The following PTCHD4 variants were observed in gnomAD, a reference collection of about 807,000 sequenced individuals.
PTCHD4 encodes patched domain containing 4, also known as patched domain-containing protein 4.
In PTCHD4, 33 loss-of-function variants were observed where a neutral mutation model predicts 58.1. The ratio of observed to expected loss-of-function variants is 0.57; its 90% CI spans 0.43 to 0.76. The LOEUF (loss-of-function observed/expected upper bound fraction) is 0.76, where lower values mean the gene tolerates loss of function less well. Among genes scored for constraint, PTCHD4 ranks in the 30% least tolerant of loss-of-function variants. The probability of loss-of-function intolerance (pLI) is 0.00; values close to 1 mark genes in which losing one functional copy is unlikely to be tolerated. For missense variants in PTCHD4, 1,058 were observed against 1,027.1 expected (o/e 1.03, Z -0.41); for synonymous variants, 478 against 409.6 (o/e 1.17, Z -2.02).
chr6:48,006,302 A>T (rs746255980), intron 4 of PTCHD4, among the ~76,000 whole-genome samples: 10 of 152,280 alleles, frequency 6.6e-5, no homozygotes, highest in Middle Eastern at 3.4e-3. Flanking sequence ...TTATTTGTTT[A>T]AAGAACGGAA....
chr6:47,869,433 G>T lies in PTCHD4; in HGVS notation c.*8870C>A, dbSNP rs898997955. Among the ~76,000 whole-genome samples the T allele has an allele frequency of 6.6e-6, 1 of 151,684 alleles. No homozygotes were observed. Among genetic ancestry groups the T allele is most frequent in the Non-Finnish European group, 1.5e-5 (1 of 67,782 alleles). ...TATTACTACAATAATGCAATGTAAT[G>T]CAGTGATAAATTTTAGGTAGAATTT... On this transcript the variant is annotated 3_prime_UTR_variant, in exon 5 of 5. Coordinates refer to ENST00000339488, the MANE Select transcript of PTCHD4 (RefSeq NM_001384253.1).
intron 4 of PTCHD4, among the ~76,000 whole-genome samples, chr6:47,913,258 T>C (rs566491447): frequency 1.6e-4 from 25 of 152,218 alleles, no homozygotes; most frequent in Middle Eastern, 3.4e-3. Flanking sequence ...ATTCTGTTTA[T>C]AATGACAGTG....
intron 4 of PTCHD4, among the ~76,000 whole-genome samples, chr6:47,924,054 A>T (rs538606189): frequency 6.6e-6 from 1 of 152,128 alleles, no homozygotes; most frequent in South Asian, 2.1e-4. Context: ...AAATATTTCT[A>T]CCTGTCTGGG....
chr6:48,024,934 G>C lies in PTCHD4; in HGVS notation c.418-15820C>G, dbSNP rs1032660214. ...ATACATAAAATGGTAGTATGCAAAA[G>C]CCAGATGACATGATTCTACATCACA... On this transcript the variant is annotated intron_variant, in intron 3 of 4. Coordinates refer to ENST00000339488, the MANE Select transcript of PTCHD4 (RefSeq NM_001384253.1). Among the ~76,000 whole-genome samples the C allele has an allele frequency of 2.6e-5, 4 of 152,100 alleles. 1 individual carries two copies. The South Asian group carries it at 6.2e-4, about 24-fold the overall frequency.
At chr6:48,084,351 T>C (rs755767258) in intron 1 of PTCHD4, among the ~76,000 whole-genome samples, 1 of 152,236 alleles carries the variant, frequency 6.6e-6, no homozygotes, top group Non-Finnish European at 1.5e-5. Flanking sequence ...AACTCCACAG[T>C]TGCAGTTAAA....
At chr6:48,076,260 C>T (rs13211319) in intron 1 of PTCHD4, among the ~76,000 whole-genome samples, 1 of 152,168 alleles carries the variant, frequency 6.6e-6, no homozygotes, top group Non-Finnish European at 1.5e-5. Context: ...AACTATTTTG[C>T]TATTTCTACC....
intron 3 of PTCHD4, among the ~76,000 whole-genome samples, chr6:48,052,125 G>A (rs979552514): frequency 6.6e-6 from 1 of 151,982 alleles, no homozygotes; most frequent in Non-Finnish European, 1.5e-5. Context: ...AATACAGGGA[G>A]GAGAAAGTTG....
At chr6:47,981,886 T>A (rs1261543640) in intron 4 of PTCHD4, among the ~76,000 whole-genome samples, 1 of 152,186 alleles carries the variant, frequency 6.6e-6, no homozygotes, top group Admixed American at 6.5e-5. Context: ...TCATCCAGGC[T>A]CATTTTTGTG....
chr6:48,026,410 G>C (rs1763248701), intron 3 of PTCHD4, among the ~76,000 whole-genome samples: 1 of 152,090 alleles, frequency 6.6e-6, no homozygotes, highest in South Asian at 2.1e-4. Flanking sequence ...CAGACAATTT[G>C]GAATTTCAGT....
At chr6:48,055,449 T>A (rs754076371) in intron 3 of PTCHD4, among the ~76,000 whole-genome samples, 16 of 152,092 alleles carry the variant, frequency 1.1e-4, no homozygotes, top group Non-Finnish European at 1.9e-4. Flanking sequence ...ATAATATCAG[T>A]TTATAAACCA....
intron 4 of PTCHD4, among the ~76,000 whole-genome samples, chr6:47,927,755 G>T (rs1458251135): frequency 2.6e-5 from 4 of 151,462 alleles, no homozygotes; most frequent in Non-Finnish European, 4.4e-5. Context: ...AAAGTCAATG[G>T]TTTTTTATTT....
At position 47,879,391 on chromosome 6, in the gene PTCHD4, T is replaced by G. The variant is rs1304686735; in HGVS notation, c.1444A>C (p.Ile482Leu). The change falls in exon 5 of 5, where the codon ATC becomes CTC. Residue 482 changes from isoleucine to leucine, a missense_variant. By Grantham distance (5) the Ile-to-Leu change is conservative. Coordinates refer to ENST00000339488, the MANE Select transcript of PTCHD4 (RefSeq NM_001384253.1). ...ASFSFMGCLQ[I>L]SDGANIINLL... ...TTGATGATGTTGGCTCCGTCACTGATCTGTAAGCACCCCATGAAGGAGAAG... is the reference window on the plus strand; with the variant it reads ...TTGATGATGTTGGCTCCGTCACTGAGCTGTAAGCACCCCATGAAGGAGAAG... The G allele has an allele frequency of 6.2e-7, 1 of 1,613,510 alleles. No individual in the cohort carries two copies. Among genetic ancestry groups the G allele is most frequent in the Non-Finnish European group, 8.5e-7 (1 of 1,179,768 alleles).
chr6:48,027,766 A>G (rs2114125181), intron 3 of PTCHD4, among the ~76,000 whole-genome samples: 1 of 152,278 alleles, frequency 6.6e-6, no homozygotes, highest in South Asian at 2.1e-4. Flanking sequence ...GCAATGTTAT[A>G]TTAATAACAT....
intron 3 of PTCHD4, among the ~76,000 whole-genome samples, chr6:48,038,533 G>A (rs182790364): frequency 1.5e-4 from 23 of 151,846 alleles, no homozygotes; most frequent in African/African-American, 5.3e-4. Context: ...CCAGCTACTC[G>A]GGAGGCTGAG....
intron 3 of PTCHD4, among the ~76,000 whole-genome samples, chr6:48,062,203 A>C (rs1249760202): frequency 6.6e-6 from 1 of 152,252 alleles, no homozygotes; most frequent in African/African-American, 2.4e-5. Flanking sequence ...GAAAAGATTA[A>C]GAAAATAAAA....
chr6:47,955,657 T>C (rs1766829357), intron 4 of PTCHD4, among the ~76,000 whole-genome samples: 1 of 152,176 alleles, frequency 6.6e-6, no homozygotes, highest in Admixed American at 6.5e-5. Flanking sequence ...CAGAATAGAA[T>C]ATTATAAACA....
At position 48,069,345 on chromosome 6, in the gene PTCHD4, G is replaced by T. The variant is rs1328735629; in HGVS notation, c.-388C>A. 6.6e-6 allele frequency among the ~76,000 whole-genome samples: 1 copy of T among 152,184 alleles called. No individual in the cohort carries two copies. The highest frequency in any genetic ancestry group is 2.4e-5 in the African/African-American group (1 of 41,452). The stretch of plus-strand genomic sequence containing the variant: ...GCCCATTGGAGCAAGGGCAATTAGA[G>T]CCCAAGGAGTGGGGCATGGAGGGAG... On this transcript the variant is annotated 5_prime_UTR_variant, in exon 2 of 5. Coordinates refer to ENST00000339488, the MANE Select transcript of PTCHD4 (RefSeq NM_001384253.1).
chr6:48,054,287 T>C (rs914885777), intron 3 of PTCHD4, among the ~76,000 whole-genome samples: 5 of 152,268 alleles, frequency 3.3e-5, no homozygotes, highest in Admixed American at 3.3e-4. Context: ...TTGGATATAG[T>C]CCTTAACAAA....
At chr6:47,909,866 C>T (rs1765015815) in intron 4 of PTCHD4, among the ~76,000 whole-genome samples, 1 of 152,050 alleles carries the variant, frequency 6.6e-6, no homozygotes, top group African/African-American at 2.4e-5. Flanking sequence ...TATTATACAT[C>T]ATAGCCCCAG....
Sources: gnomAD v4.1 joint callset for allele counts (sites outside exome capture counted in the v4.1 genomes callset) on GRCh38, gnomAD v4.1.1 for gene constraint, MANE v1.5 for transcripts, NCBI Gene and HGNC (gene_info 2026-07-23, HGNC 2026-07-21) for gene names.